Variants in PLEC observed in about 807,000 individuals in gnomAD.
PLEC encodes hemidesmosomal protein 1.
PLEC carries 216 observed loss-of-function variants against 392.8 expected under a neutral mutation model. The observed-to-expected ratio is 0.55, with a 90% CI of 0.49 to 0.62. PLEC has a LOEUF of 0.62. Ranked by LOEUF, PLEC falls within the 20% of genes least tolerant of loss-of-function variation. The pLI is 0.00. For missense variants in PLEC, 6,863 were observed against 6,563.4 expected, an observed-to-expected ratio of 1.05 and a Z score of -1.58; for synonymous variants, 3,621 against 2,980.6, an observed-to-expected ratio of 1.21 and a Z score of -7.00.
At chr8:143,954,126 G>C (rs1436389871), upstream of PLEC, among the ~76,000 whole-genome samples, 1 of 150,442 alleles carries the variant, frequency 6.6e-6, no homozygotes. This position sits in a 1 kb window ranked among gnomAD's most constrained non-coding sequence, Gnocchi z 4.6. Context: ...ACTGCAACGA[G>C]CCATGCTTAG....
chr8:143,927,435 A>C lies in PLEC; in HGVS notation c.3731T>G (p.Val1244Gly), dbSNP rs187648086. The C allele has an allele frequency of 1.5e-3, 2,462 of 1,600,688 alleles. 4 individuals carry two copies. The highest frequency in any genetic ancestry group is 1.9e-3 in the Non-Finnish European group (2,241 of 1,178,716). Residue 1244 changes from valine (V) to glycine (G), a missense_variant, in exon 27 of 32, where the codon GTG (valine) becomes GGG (glycine). Physicochemically the swap from Val to Gly is moderately radical, Grantham distance 109. Transcript: ENST00000345136. ...QAMPLADSQA[V>G]REQLRQEQAL... ...CTGCTCCTGCCGCAGCTGCTCCCGC[A>C]CAGCCTGGCTGTCGGCCAGCGGCAT... is the stretch of plus-strand genomic sequence containing the variant.
At position 143,917,844 on chromosome 8, in the gene PLEC, T is replaced by C; in HGVS notation, c.11977A>G (p.Met3993Val). ...LKLTVEEAVR[M>V]GIVGPEFKDK... ...TTGAACTCGGGGCCCACAATGCCCA[T>C]ACGCACAGCCTCCTCCACCGTCAGC... Residue 3993 changes from methionine to valine, a missense_variant, in exon 32 of 32, where the codon ATG (methionine) becomes GTG (valine). Coordinates refer to ENST00000345136, the MANE Select transcript of PLEC (RefSeq NM_201384.3). 1.9e-6 allele frequency: 3 copies of C among 1,613,314 alleles called. No homozygotes were observed. Among genetic ancestry groups the C allele is most frequent in the East Asian group, 2.2e-5 (1 of 44,870 alleles).
chr8:143,938,529 A>G, intron 2 of PLEC, 102 bp downstream of exon 2: 2 of 1,545,190 alleles, frequency 1.3e-6, no homozygotes, highest in Admixed American at 3.3e-5. Flanking sequence ...AAAGGTGAGC[A>G]CACAGGCAGC....
At chr8:143,975,434 C>G, upstream of PLEC, 1 of 1,442,216 alleles carries the variant, frequency 6.9e-7, no homozygotes, top group Admixed American at 1.7e-5. This position sits in a 1 kb window ranked among gnomAD's most constrained non-coding sequence, Gnocchi z 9.9. Flanking sequence ...CTCTGCACGC[C>G]GACCCACCCA....
Position 143,930,029 on chromosome 8 carries a change from C to G in PLEC, c.2646G>C (p.Leu882=). ...LEAQHQALVT[L]WHQLHVDMKS... ...TCATGTCCACGTGCAACTGGTGCCA[C>G]AGCGTGACCAGGGCCTGGTGCTGGG... Residue 882 remains leucine, a synonymous_variant, in exon 22 of 32, where the codon CTG becomes CTC. Coordinates refer to ENST00000345136, the MANE Select transcript of PLEC (RefSeq NM_201384.3). The G allele has an allele frequency of 1.2e-6, 2 of 1,612,118 alleles. No homozygotes were observed. The highest frequency in any genetic ancestry group is 1.7e-6 in the Non-Finnish European group (2 of 1,179,798).
Position 143,921,482 on chromosome 8 carries a change from G to C in PLEC, c.8339C>G (p.Pro2780Arg). ...GAGAGAGATCTGCTGGCCAGTGTAG[G>C]GGTCCTTGTAGCCAGTGACGGCGCG... The part of the protein sequence containing the change: ...AERAVTGYKD[P>R]YTGQQISLFQ... Residue 2780 changes from proline (P) to arginine (R), a missense_variant, in exon 32 of 32, where the codon CCC (proline) becomes CGC (arginine). Physicochemically the swap from Pro to Arg is moderately radical, Grantham distance 103 (BLOSUM62 -2). Transcript: ENST00000345136. 1 of 1,613,132 alleles carries C rather than the reference G, an allele frequency of 6.2e-7. No individual in the cohort carries two copies. The highest frequency in any genetic ancestry group is 8.5e-7 in the Non-Finnish European group (1 of 1,179,828).
chr8:143,929,801 C>T lies in PLEC; in HGVS notation c.2768G>A (p.Arg923His), dbSNP rs371122460. ...TFRTLKPEEQ[R>H]QALHSLELHY... is the part of the protein sequence containing the mutation. The stretch of plus-strand genomic sequence containing the variant: ...CAGCTCCAGGCTGTGCAGGGCTTGG[C>T]GCTGCTCCTCTGGCTTCAGGGTGCG... The change falls in exon 23 of 32, where the codon CGC becomes CAC. Residue 923 changes from arginine (R) to histidine (H), a missense_variant. Transcript: ENST00000345136. The T allele has an allele frequency of 8.9e-5, 143 of 1,599,102 alleles. No homozygotes were observed. The highest frequency in any genetic ancestry group is 6.6e-4 in the Middle Eastern group (4 of 6,074).
At position 143,916,147 on chromosome 8, in the gene PLEC, G is replaced by A. The variant is rs781835109; in HGVS notation, c.*30C>T. ...GCCTCGGTGGGAGCCGGGCTGGGCC[G>A]CATGCAGAGCGGGGTGGGCGCAGGC... On this transcript the variant is annotated 3_prime_UTR_variant, in exon 32 of 32. Coordinates refer to ENST00000345136, the MANE Select transcript of PLEC (RefSeq NM_201384.3). 7.3e-5 allele frequency: 109 copies of A among 1,494,490 alleles called. No homozygotes were observed. The highest frequency in any genetic ancestry group is 2.4e-4 in the Middle Eastern group (1 of 4,146). 92.6% of individuals were successfully genotyped at this position (1,494,490 alleles called of 1,614,324 possible).
chr8:143,917,463 G>T lies in PLEC; in HGVS notation c.12358C>A (p.Pro4120Thr). Residue 4120 changes from proline (P) to threonine (T), a missense_variant, in exon 32 of 32, where the codon CCG becomes ACG. By Grantham distance (38) the Pro-to-Thr change is conservative. Coordinates refer to ENST00000345136, the MANE Select transcript of PLEC (RefSeq NM_201384.3). ...TDPQTGLCLL[P>T]LKEKKRERKT... ...CGCTCCCGCTTCTTCTCCTTCAGCG[G>T]CAAGAGACACAGGCCCGTCTGGGGG... is the stretch of plus-strand genomic sequence containing the variant. The T allele has an allele frequency of 6.2e-7, 1 of 1,613,700 alleles. No individual in the cohort carries two copies. Among genetic ancestry groups the T allele is most frequent in the Non-Finnish European group, 8.5e-7 (1 of 1,180,006 alleles).
At chr8:143,938,033 G>A (rs1421705567) in intron 3 of PLEC, 118 bp downstream of exon 3, 3 of 726,474 alleles carry the variant, frequency 4.1e-6, no homozygotes, top group East Asian at 2.7e-5. Flanking sequence ...GAGAAGGCAG[G>A]AGGGGTTGAG....
Position 143,916,787 on chromosome 8 carries a change from A to G in PLEC, c.13034T>C (p.Met4345Thr). The G allele has an allele frequency of 6.2e-7, 1 of 1,613,256 alleles. No homozygotes were observed. Among genetic ancestry groups the G allele is most frequent in the Non-Finnish European group, 8.5e-7 (1 of 1,179,962 alleles). ...AVNKGLVDKI[M>T]VDRINLAQKA... Reference sequence around the variant, plus strand: ...CTGGGCCAGGTTGATGCGGTCCACCATGATCTTGTCCACCAGGCCCTTGTT... The same window carrying G: ...CTGGGCCAGGTTGATGCGGTCCACCGTGATCTTGTCCACCAGGCCCTTGTT... Residue 4345 changes from methionine to threonine, a missense_variant, in exon 32 of 32, where the codon ATG (methionine) becomes ACG (threonine). Met to Thr is a moderately conservative substitution (Grantham distance 81). Transcript: ENST00000345136.
rs1554710378 is a variant in PLEC, at chr8:143,929,183, G to A, written c.3180C>T (p.Ala1060=). The A allele has an allele frequency of 6.3e-7, 1 of 1,598,628 alleles. No homozygotes were observed. The highest frequency in any genetic ancestry group is 1.3e-5 in the African/African-American group (1 of 74,870). ...GCTCCAGCTCCGAGCGCAGCGTGGG[G>A]GCCGCAGGCGATGGCTCTGGTAGGG... ...VLALPEPSPA[A]PTLRSELELT... Residue 1060 remains alanine, a synonymous_variant, in exon 25 of 32, where the codon GCC becomes GCT. Transcript: ENST00000345136.
chr8:143,923,683 C>T lies in PLEC; in HGVS notation c.6246G>A (p.Glu2082=), dbSNP rs1440664187. Residue 2082 remains glutamate (E), a synonymous_variant, in exon 31 of 32, where the codon GAG becomes GAA. Coordinates refer to ENST00000345136, the MANE Select transcript of PLEC (RefSeq NM_201384.3). The stretch of plus-strand genomic sequence containing the variant: ...CAGCCGCCCGCCGGGCCGCCTCCGC[C>T]TCGCCGCGCAGCTGGTCCAGCACGC... ...EQSVLDQLRG[E]AEAARRAAEE... is the part of the protein sequence containing the mutation. 6.5e-7 allele frequency: 1 copy of T among 1,548,744 alleles called. No homozygotes were observed. Among genetic ancestry groups the T allele is most frequent in the African/African-American group, 1.4e-5 (1 of 73,532 alleles).
Position 143,933,201 on chromosome 8 carries a change from G to C in PLEC, c.1414C>G (p.Arg472Gly), listed in dbSNP as rs559590378. The part of the protein sequence containing the change: ...GRHPQGEQMY[R>G]RVYRLHERLV... ...GGAGGGCAGGGCGGGGCCCACCTGC[G>C]GTACATCTGCTCGCCCTGCGGGTGC... is the stretch of plus-strand genomic sequence containing the variant. Residue 472 changes from arginine to glycine, a missense_variant, in exon 13 of 32, where the codon CGC becomes GGC. Coordinates refer to ENST00000345136, the MANE Select transcript of PLEC (RefSeq NM_201384.3). The C allele has an allele frequency of 6.8e-6, 11 of 1,612,412 alleles. No homozygotes were observed.
chr8:143,930,407 C>G lies in PLEC; in HGVS notation c.2434G>C (p.Val812Leu), dbSNP rs372398638. 6.9e-5 allele frequency: 109 copies of G among 1,572,714 alleles called. No individual in the cohort carries two copies. In the African/African-American group the frequency reaches 1.4e-3, roughly 21 times the overall value. The part of the protein sequence containing the change: ...PMRGRLPLLA[V>L]CDYKQVEVTV... The stretch of plus-strand genomic sequence containing the variant: ...ACCTCCACCTGCTTATAGTCGCACA[C>G]GGCCAGCAGGGGCAGGCGGCCCCGC... Residue 812 changes from valine (V) to leucine (L), a missense_variant, in exon 20 of 32, where the codon GTG (valine) becomes CTG (leucine). Physicochemically the swap from Val to Leu is conservative, Grantham distance 32. Coordinates refer to ENST00000345136, the MANE Select transcript of PLEC (RefSeq NM_201384.3).
rs398123401 is a variant in PLEC, at chr8:143,923,999, G to T, written c.5930C>A (p.Ala1977Glu). ...CTCACGGCGCCGCCGCTCCTCCTCC[G>T]CCGCCAGCTGCCGCTGCCTCGCAGC... is the stretch of plus-strand genomic sequence containing the variant. ...LEAARQRQLA[A>E]EEERRRREAE... Residue 1977 changes from alanine (A) to glutamate (E), a missense_variant, in exon 31 of 32, where the codon GCG (alanine) becomes GAG (glutamate). Coordinates refer to ENST00000345136, the MANE Select transcript of PLEC (RefSeq NM_201384.3). 9 of 1,584,274 alleles carry T rather than the reference G, an allele frequency of 5.7e-6. No homozygotes were observed. The highest frequency in any genetic ancestry group is 3.4e-5 in the Admixed American group (2 of 59,062).
Position 143,928,956 on chromosome 8 carries a change from C to T in PLEC, c.3260+147G>A. On this transcript the variant is annotated intron_variant, in intron 25 of 31. Transcript: ENST00000345136. ...ACTCTTCTCACCACCTCTGCGGCCACCACCCCAGCTGGGCCTCCCGCCTCC... is the reference window on the plus strand; with the variant it reads ...ACTCTTCTCACCACCTCTGCGGCCATCACCCCAGCTGGGCCTCCCGCCTCC... 4.1e-6 allele frequency: 3 copies of T among 723,488 alleles called. No homozygotes were observed. The South Asian group carries it at 5.0e-5, about 12-fold the overall frequency. 44.8% of individuals were successfully genotyped at this position (723,488 alleles called of 1,614,324 possible). A position where few individuals can be genotyped will look rare whatever the true frequency, so the allele number is the denominator to read the frequency against.
chr8:143,950,793 G>A, exon 1 of PLEC: 9 of 1,525,306 alleles, frequency 5.9e-6, no homozygotes, highest in South Asian at 3.6e-5. Context: ...AGAAGCTCCC[G>A]CGCTACAGGG....
chr8:143,950,042 G>T (rs1218556593), intron 1 of PLEC: 4 of 1,113,312 alleles, frequency 3.6e-6, no homozygotes, highest in Non-Finnish European at 4.9e-6. Context: ...CCCTCGGCTA[G>T]GGGGGGCCAC....
Sources: gnomAD v4.1 joint callset for allele counts (sites outside exome capture counted in the v4.1 genomes callset) on GRCh38, gnomAD v4.1.1 for gene constraint, Gnocchi (gnomAD v3.1) non-coding constraint, MANE v1.5 for transcripts, NCBI Gene and HGNC (gene_info 2026-07-23, HGNC 2026-07-21) for gene names.